Variants in FXR1 observed in about 807,000 individuals in gnomAD.
FXR1 encodes FMR1 autosomal homolog 1, also known as RNA-binding protein FXR1.
FXR1 carries 15 observed loss-of-function variants against 84.0 expected under a neutral mutation model. The ratio of observed to expected loss-of-function variants is 0.18; its 90% CI spans 0.12 to 0.27. The LOEUF (loss-of-function observed/expected upper bound fraction) is 0.27, where lower values mean the gene tolerates loss of function less well. Ranked by LOEUF, FXR1 falls within the 10% of genes least tolerant of loss-of-function variation. FXR1 has a pLI of 1.00. For missense variants in FXR1, 480 were observed against 774.4 expected (o/e 0.62, Z 4.51); for synonymous variants, 245 against 250.7 (o/e 0.98, Z 0.21).
chr3:180,923,552 C>T (rs972784025), intron 1 of FXR1, among the ~76,000 whole-genome samples: 1 of 151,782 alleles, frequency 6.6e-6, no homozygotes, highest in East Asian at 1.9e-4. Flanking sequence ...TTTATATAAT[C>T]TGTTAACTAT....
chr3:180,937,544 T>C (rs2108449219), intron 3 of FXR1, among the ~76,000 whole-genome samples: 1 of 152,356 alleles, frequency 6.6e-6, no homozygotes, highest in Non-Finnish European at 1.5e-5. Context: ...TGTTTTATGA[T>C]TCAGCTCTGG....
chr3:180,954,154 C>G (rs1021351400), intron 9 of FXR1: 6 of 216,572 alleles, frequency 2.8e-5, no homozygotes, highest in Middle Eastern at 1.7e-3. Flanking sequence ...ATTCTCACTC[C>G]TTTACTCTCT....
intron 9 of FXR1, chr3:180,957,472 CT>C (rs1462935047): frequency 1.2e-5 from 2 of 167,556 alleles, no homozygotes; most frequent in Non-Finnish European, 2.5e-5. Flanking sequence ...TAGTTTTTCT[CT>C]TTGCCTTTAT....
chr3:180,973,297 T>C (rs1713816111), intron 15 of FXR1, among the ~76,000 whole-genome samples: 1 of 151,970 alleles, frequency 6.6e-6, no homozygotes, highest in South Asian at 2.1e-4. Context: ...TATCAAAATA[T>C]TATTCTGTCT....
At chr3:180,954,760 A>G (rs951419574) in intron 9 of FXR1, among the ~76,000 whole-genome samples, 1 of 152,012 alleles carries the variant, frequency 6.6e-6, no homozygotes, top group South Asian at 2.1e-4. Flanking sequence ...TTCCATTTAT[A>G]TAATGCGGCC....
chr3:180,939,160 C>G (rs1576933526), intron 3 of FXR1, among the ~76,000 whole-genome samples: 1 of 152,222 alleles, frequency 6.6e-6, no homozygotes, highest in East Asian at 1.9e-4. Context: ...TCCCAAAGTG[C>G]TGAGATTATA....
intron 3 of FXR1, among the ~76,000 whole-genome samples, chr3:180,935,940 G>C (rs546291750): frequency 2.0e-5 from 3 of 151,938 alleles, no homozygotes; most frequent in African/African-American, 7.2e-5. Flanking sequence ...CTTCCAGGTT[G>C]CAGTGCAATG....
intron 7 of FXR1, among the ~76,000 whole-genome samples, chr3:180,950,406 C>G (rs1722110788): frequency 6.6e-6 from 1 of 151,694 alleles, no homozygotes; most frequent in African/African-American, 2.4e-5. Context: ...GATGAGTTTC[C>G]TTTGTTTCTT....
chr3:180,966,900 T>C (rs1324752583), intron 13 of FXR1, among the ~76,000 whole-genome samples: 1 of 152,230 alleles, frequency 6.6e-6, no homozygotes, highest in East Asian at 1.9e-4. Context: ...TTGAGTCATA[T>C]GTATCTGACA....
intron 10 of FXR1, among the ~76,000 whole-genome samples, chr3:180,959,973 C>T (rs1711877071): frequency 6.6e-6 from 1 of 152,106 alleles, no homozygotes; most frequent in African/African-American, 2.4e-5. Flanking sequence ...AATCCCTAAA[C>T]CATTCTGTTT....
At chr3:180,917,466 A>T (rs1313154644) in intron 1 of FXR1, among the ~76,000 whole-genome samples, 4 of 152,220 alleles carry the variant, frequency 2.6e-5, no homozygotes, top group Admixed American at 2.6e-4. Flanking sequence ...CAGATAATTT[A>T]AAATGGTTGT....
chr3:180,981,785 T>G lies in FXR1; in HGVS notation c.*5493T>G, dbSNP rs2108504242. 1 of 152,204 alleles carries G rather than the reference T, an allele frequency of 6.6e-6. No homozygotes were observed. Among genetic ancestry groups the G allele is most frequent in the South Asian group, 2.1e-4 (1 of 4,830 alleles). The allele number at this position is 152,204 out of a possible 1,614,324, so 9.4% of individuals were successfully genotyped here. Reference sequence around the variant, plus strand: ...AAAATGTGGAAGAATCTTCACAATTTCAAGTTGGTCATGTATATTTCCCTT... The same window carrying G: ...AAAATGTGGAAGAATCTTCACAATTGCAAGTTGGTCATGTATATTTCCCTT... On this transcript the variant is annotated 3_prime_UTR_variant, in exon 17 of 17. Transcript: ENST00000357559.
chr3:180,965,924 G>T (rs1446116138), intron 13 of FXR1, among the ~76,000 whole-genome samples: 1 of 152,004 alleles, frequency 6.6e-6, no homozygotes, highest in Non-Finnish European at 1.5e-5. Context: ...CTGTGACACG[G>T]GGTTAGATAA....
intron 15 of FXR1, among the ~76,000 whole-genome samples, chr3:180,974,015 T>C (rs1322416046): frequency 6.6e-6 from 1 of 152,220 alleles, no homozygotes; most frequent in Non-Finnish European, 1.5e-5. Context: ...CTTTACATAA[T>C]TAACTTGCTC....
intron 3 of FXR1, among the ~76,000 whole-genome samples, chr3:180,939,501 C>CG (rs1032136862): frequency 2.0e-4 from 30 of 152,004 alleles, no homozygotes; most frequent in Admixed American, 1.4e-3. Flanking sequence ...GAGGCAAGGT[C>CG]GGGGTGAGGG....
At chr3:180,966,731 G>A (rs1214323031) in intron 13 of FXR1, among the ~76,000 whole-genome samples, 5 of 152,122 alleles carry the variant, frequency 3.3e-5, no homozygotes, top group South Asian at 2.1e-4. Flanking sequence ...GATGTGGGGC[G>A]ATTTTAGGAT....
chr3:180,957,991 G>C, intron 10 of FXR1, 63 bp downstream of exon 10: 1 of 700,632 alleles, frequency 1.4e-6, no homozygotes, highest in Non-Finnish European at 2.5e-6. Context: ...CTTAATAGTT[G>C]TAAACATTTT....
chr3:180,923,156 C>G (rs971626683), intron 1 of FXR1, among the ~76,000 whole-genome samples: 1 of 152,128 alleles, frequency 6.6e-6, no homozygotes, highest in Non-Finnish European at 1.5e-5. Context: ...ATGTATTAAT[C>G]ATCTCTGTTT....
intron 3 of FXR1, among the ~76,000 whole-genome samples, chr3:180,938,507 G>A (rs187784046): frequency 5.9e-5 from 9 of 152,118 alleles, no homozygotes; most frequent in Non-Finnish European, 1.2e-4. Context: ...GCAGTTTTTG[G>A]TGTAGGAAGT....
Sources: allele counts gnomAD v4.1 joint callset (sites outside exome capture counted in the v4.1 genomes callset), GRCh38; gene constraint gnomAD v4.1.1; transcripts MANE v1.5; gene names NCBI Gene and HGNC (gene_info 2026-07-23, HGNC 2026-07-21).